PTPRD: variants seen among roughly 807,000 people sequenced by gnomAD.
The protein encoded by PTPRD is protein tyrosine phosphatase receptor type D, also known as receptor-type tyrosine-protein phosphatase delta.
PTPRD carries 34 observed loss-of-function variants against 214.5 expected under a neutral mutation model. That is an observed-to-expected ratio of 0.16 (90% CI 0.12 to 0.21). The LOEUF is 0.21. Ranked by LOEUF, PTPRD falls within the 10% of genes least tolerant of loss-of-function variation. The pLI is 1.00. For missense variants in PTPRD, 2,545 were observed against 2,398.7 expected, an observed-to-expected ratio of 1.06 and a Z score of -1.27; for synonymous variants, 1,128 against 845.7, an observed-to-expected ratio of 1.33 and a Z score of -5.79.
At chr9:10,458,859 C>G (rs1196525387) in intron 2 of PTPRD, among the ~76,000 whole-genome samples, 1 of 152,034 alleles carries the variant, frequency 6.6e-6, no homozygotes, top group Non-Finnish European at 1.5e-5. Context: ...AATCAACATG[C>G]AAAACATCAT....
intron 9 of PTPRD, among the ~76,000 whole-genome samples, chr9:9,249,173 A>T (rs1010442298): frequency 1.6e-4 from 24 of 152,008 alleles, no homozygotes; most frequent in African/African-American, 5.8e-4. Context: ...TCTGATTGTT[A>T]AAAAAGAGTC....
chr9:10,601,044 T>C (rs1036285650), intron 2 of PTPRD, among the ~76,000 whole-genome samples: 1 of 151,762 alleles, frequency 6.6e-6, no homozygotes, highest in African/African-American at 2.4e-5. Context: ...GAAATAAAGA[T>C]GAAAAGGTAG....
At chr9:10,497,865 G>C (rs1229842569) in intron 2 of PTPRD, among the ~76,000 whole-genome samples, 1 of 151,860 alleles carries the variant, frequency 6.6e-6, no homozygotes, top group Non-Finnish European at 1.5e-5. Flanking sequence ...ATAAAAAACA[G>C]TATTAATAGT....
intron 7 of PTPRD, among the ~76,000 whole-genome samples, chr9:9,599,842 G>A (rs193045295): frequency 1.3e-5 from 2 of 151,970 alleles, no homozygotes; most frequent in East Asian, 3.9e-4. Context: ...CTAGTTATTA[G>A]TCAAATAAAG....
chr9:10,314,718 A>AG (rs1396510169), intron 3 of PTPRD, among the ~76,000 whole-genome samples: 2 of 151,958 alleles, frequency 1.3e-5, no homozygotes, highest in Admixed American at 6.6e-5. Context: ...ACACAAGCCA[A>AG]GGGGGGAAAC....
intron 9 of PTPRD, among the ~76,000 whole-genome samples, chr9:9,383,828 G>T (rs1272053829): frequency 1.3e-5 from 2 of 152,020 alleles, no homozygotes; most frequent in Non-Finnish European, 2.9e-5. Context: ...TGGGGACTCA[G>T]GGATCAAGTC....
At chr9:8,462,156 G>A (rs561851918) in intron 32 of PTPRD, among the ~76,000 whole-genome samples, 22 of 152,066 alleles carry the variant, frequency 1.4e-4, no homozygotes, top group Non-Finnish European at 2.9e-5. Context: ...ATTAGTATGA[G>A]TTTCTTAATT....
chr9:9,741,156 G>A (rs1002729818), intron 6 of PTPRD, among the ~76,000 whole-genome samples: 11 of 152,158 alleles, frequency 7.2e-5, no homozygotes, highest in African/African-American at 2.4e-4. Context: ...TATTGAGTTT[G>A]AAAACGCTAT....
intron 9 of PTPRD, among the ~76,000 whole-genome samples, chr9:9,340,103 G>C (rs2046197503): frequency 6.6e-6 from 1 of 151,960 alleles, no homozygotes. Context: ...AAAAATAACA[G>C]ATTTAATTTG....
chr9:9,861,451 C>A (rs528960593), intron 5 of PTPRD, among the ~76,000 whole-genome samples: 2 of 152,040 alleles, frequency 1.3e-5, no homozygotes, highest in African/African-American at 2.4e-5. Flanking sequence ...CCACCATGCC[C>A]AGGCTAATTT....
At chr9:9,254,126 T>A (rs1022176036) in intron 9 of PTPRD, among the ~76,000 whole-genome samples, 3 of 152,082 alleles carry the variant, frequency 2.0e-5, no homozygotes, top group African/African-American at 7.2e-5. Flanking sequence ...TTACATCTTC[T>A]AAGCAAAGAC....
chr9:9,567,950 T>C (rs78483496), intron 8 of PTPRD, among the ~76,000 whole-genome samples: 2,020 of 150,954 alleles, frequency 0.013, 21 homozygotes, highest in South Asian at 0.027. Context: ...CAAAATCCCC[T>C]TTTTTTTTCT....
chr9:8,571,497 T>G (rs947617725), intron 14 of PTPRD, among the ~76,000 whole-genome samples: 2 of 152,128 alleles, frequency 1.3e-5, no homozygotes, highest in African/African-American at 4.8e-5. Flanking sequence ...ATAATATCTA[T>G]GCATAAACAT....
intron 9 of PTPRD, among the ~76,000 whole-genome samples, chr9:9,243,347 T>C (rs1363210289): frequency 5.3e-5 from 8 of 152,042 alleles, no homozygotes; most frequent in Non-Finnish European, 1.2e-4. Flanking sequence ...AAAAAGAGAA[T>C]TTTAGACTAA....
chr9:8,649,163 T>C (rs1032112611), intron 12 of PTPRD, among the ~76,000 whole-genome samples: 1 of 152,218 alleles, frequency 6.6e-6, no homozygotes, highest in Non-Finnish European at 1.5e-5. Context: ...ATATTTCCAG[T>C]GTATCAACTA....
At chr9:9,450,259 T>A (rs1441190752) in intron 8 of PTPRD, among the ~76,000 whole-genome samples, 1 of 152,044 alleles carries the variant, frequency 6.6e-6, no homozygotes, top group Non-Finnish European at 1.5e-5. Flanking sequence ...GTATAATGAC[T>A]TCTTTTCCTC....
chr9:8,781,999 A>T (rs530752712), intron 11 of PTPRD, among the ~76,000 whole-genome samples: 6 of 152,118 alleles, frequency 3.9e-5, no homozygotes, highest in Non-Finnish European at 7.4e-5. Flanking sequence ...TCAAACGGAC[A>T]AAAACTGTAT....
In PTPRD at chr9:10,091,595, T is replaced by C. The variant is rs534597375; in HGVS notation, c.-544-57805A>G. On this transcript the variant is annotated intron_variant, in intron 3 of 45. Coordinates refer to ENST00000381196, the MANE Select transcript of PTPRD (RefSeq NM_002839.4). ...TTTTCAAGTTAGTTCAAAATAATTGTTGTTTGGAATTGTCAACTGCATGTC... is the reference window on the plus strand; with the variant it reads ...TTTTCAAGTTAGTTCAAAATAATTGCTGTTTGGAATTGTCAACTGCATGTC... 8.2e-4 allele frequency among the ~76,000 whole-genome samples: 125 copies of C among 151,626 alleles called. 1 individual carries two copies. Among genetic ancestry groups the C allele is most frequent in the African/African-American group, 2.5e-3 (105 of 41,484 alleles).
chr9:8,712,676 T>C (rs2098365133), intron 12 of PTPRD, among the ~76,000 whole-genome samples: 1 of 151,156 alleles, frequency 6.6e-6, no homozygotes. Flanking sequence ...TTCAGTCTTT[T>C]CATGTTAATA....
Sources: allele counts gnomAD v4.1 joint callset (sites outside exome capture counted in the v4.1 genomes callset), GRCh38; gene constraint gnomAD v4.1.1; transcripts MANE v1.5; gene names NCBI Gene and HGNC (gene_info 2026-07-23, HGNC 2026-07-21).